The following TMEM132C variants were observed in gnomAD, a reference collection of about 807,000 sequenced individuals.
The protein encoded by TMEM132C is transmembrane protein 132C.
A neutral mutation model predicts 61.4 loss-of-function variants in TMEM132C; 29 were observed. That is an observed-to-expected ratio of 0.47 (90% CI 0.35 to 0.64). TMEM132C has a LOEUF of 0.64. Among genes scored for constraint, TMEM132C ranks in the 30% least tolerant of loss-of-function variants. TMEM132C has a pLI of 0.00. For missense variants in TMEM132C, 1,408 were observed against 1,476.9 expected (o/e 0.95, Z 0.76); for synonymous variants, 656 against 633.1 (o/e 1.04, Z -0.54).
intron 3 of TMEM132C, among the ~76,000 whole-genome samples, chr12:128,606,002 G>A (rs750291002): frequency 2.6e-4 from 40 of 152,186 alleles, no homozygotes; most frequent in African/African-American, 8.9e-4. Flanking sequence ...CTCAGTGCCC[G>A]CTTTGGGCTG....
intron 2 of TMEM132C, among the ~76,000 whole-genome samples, chr12:128,514,612 G>C (rs1436521867): frequency 1.3e-5 from 2 of 152,158 alleles, no homozygotes; most frequent in Non-Finnish European, 2.9e-5. Context: ...TCACCCTAAA[G>C]AAGAGTTGAT....
At chr12:128,373,991 T>G (rs1338753549) in intron 1 of TMEM132C, among the ~76,000 whole-genome samples, 2 of 152,194 alleles carry the variant, frequency 1.3e-5, no homozygotes, top group East Asian at 3.9e-4. Flanking sequence ...GGACCCTGGC[T>G]TAAGATCCTG....
intron 5 of TMEM132C, among the ~76,000 whole-genome samples, chr12:128,671,847 A>G (rs142809105): frequency 2.0e-5 from 3 of 152,238 alleles, no homozygotes; most frequent in Non-Finnish European, 4.4e-5. Context: ...CCCGGAAGTG[A>G]TATATGACCT....
intron 1 of TMEM132C, among the ~76,000 whole-genome samples, chr12:128,361,662 T>C (rs1463371097): frequency 1.8e-5 from 1 of 56,352 alleles, no homozygotes; most frequent in African/African-American, 6.0e-5. Context: ...CTCTTTCTTT[T>C]GATTTTTTTT....
chr12:128,681,728 G>A (rs1233775063), intron 5 of TMEM132C, among the ~76,000 whole-genome samples: 6 of 146,414 alleles, frequency 4.1e-5, no homozygotes, highest in South Asian at 2.2e-4. Context: ...ATCTTGGCTC[G>A]CTGCAACCTC....
chr12:128,618,822 G>C (rs1876896348), intron 4 of TMEM132C, among the ~76,000 whole-genome samples: 1 of 152,080 alleles, frequency 6.6e-6, no homozygotes, highest in Admixed American at 6.5e-5. Flanking sequence ...CCAGTCTCAG[G>C]TATGTCTTTA....
At chr12:128,501,787 G>T (rs548336146) in intron 2 of TMEM132C, among the ~76,000 whole-genome samples, 45 of 152,330 alleles carry the variant, frequency 3.0e-4, no homozygotes, top group African/African-American at 1.0e-3. Flanking sequence ...GTATCCAGAT[G>T]AACTTTTTGT....
At chr12:128,620,403 A>AT (rs1206317713) in intron 4 of TMEM132C, among the ~76,000 whole-genome samples, 1 of 152,166 alleles carries the variant, frequency 6.6e-6, no homozygotes, top group African/African-American at 2.4e-5. Flanking sequence ...AAACAGGTAG[A>AT]TACTTCCTAA....
intron 4 of TMEM132C, among the ~76,000 whole-genome samples, chr12:128,652,026 C>G (rs1288607367): frequency 6.6e-6 from 1 of 152,174 alleles, no homozygotes; most frequent in Non-Finnish European, 1.5e-5. Flanking sequence ...GCAGTTAGCA[C>G]CCTTCTCCAC....
chr12:128,553,491 C>T (rs997911815), intron 3 of TMEM132C, among the ~76,000 whole-genome samples: 1 of 152,142 alleles, frequency 6.6e-6, no homozygotes, highest in Admixed American at 6.5e-5. Flanking sequence ...TAATATGTTA[C>T]GTCTCTTTTG....
At chr12:128,405,731 T>C (rs977960731) in intron 1 of TMEM132C, among the ~76,000 whole-genome samples, 4 of 152,200 alleles carry the variant, frequency 2.6e-5, no homozygotes, top group Admixed American at 6.5e-5. Context: ...TATGAAGTTA[T>C]CAATTATTAG....
chr12:128,650,114 C>T (rs2135609114), intron 4 of TMEM132C, among the ~76,000 whole-genome samples: 1 of 152,282 alleles, frequency 6.6e-6, no homozygotes, highest in African/African-American at 2.4e-5. Flanking sequence ...AAGTGGTTTA[C>T]TATTGTGAGT....
At chr12:128,537,551 T>C (rs1010122079) in intron 2 of TMEM132C, among the ~76,000 whole-genome samples, 2 of 152,226 alleles carry the variant, frequency 1.3e-5, no homozygotes, top group African/African-American at 4.8e-5. Flanking sequence ...GTCAAATAGT[T>C]CTGCAGAGTT....
intron 3 of TMEM132C, among the ~76,000 whole-genome samples, chr12:128,572,786 T>A (rs1874939422): frequency 6.6e-6 from 1 of 152,244 alleles, no homozygotes; most frequent in South Asian, 2.1e-4. Context: ...GGCCTCCGAT[T>A]GGCCAGGCCT....
chr12:128,508,020 A>G (rs578089177), intron 2 of TMEM132C, among the ~76,000 whole-genome samples: 4 of 152,242 alleles, frequency 2.6e-5, no homozygotes, highest in Admixed American at 6.5e-5. Context: ...ACTAACTCTG[A>G]TAGTCTGGAG....
intron 3 of TMEM132C, among the ~76,000 whole-genome samples, chr12:128,590,897 C>T (rs1436672535): frequency 1.3e-5 from 2 of 152,170 alleles, no homozygotes; most frequent in Non-Finnish European, 1.5e-5. Flanking sequence ...CCATCTCAGC[C>T]TCCTGAGGAA....
At chr12:128,389,044 A>C (rs528419190) in intron 1 of TMEM132C, among the ~76,000 whole-genome samples, 279 of 146,318 alleles carry the variant, frequency 1.9e-3, no homozygotes, top group Non-Finnish European at 3.3e-3. Context: ...CCTGGGAGAG[A>C]CAAAGACCAG....
intron 2 of TMEM132C, among the ~76,000 whole-genome samples, chr12:128,449,051 G>A (rs377236388): frequency 5.3e-5 from 8 of 149,960 alleles, no homozygotes; most frequent in South Asian, 2.1e-4. Context: ...ACAGGAGAAC[G>A]GCGTGAACCC....
chr12:128,525,591 C>T (rs564892286), intron 2 of TMEM132C, among the ~76,000 whole-genome samples: 164 of 152,266 alleles, frequency 1.1e-3, no homozygotes, highest in Non-Finnish European at 2.0e-3. Context: ...CTGAGTTTTG[C>T]ACACGCCCTT....
Sources: gnomAD v4.1 joint callset for allele counts (sites outside exome capture counted in the v4.1 genomes callset) on GRCh38, gnomAD v4.1.1 for gene constraint, MANE v1.5 for transcripts, NCBI Gene and HGNC (gene_info 2026-07-23, HGNC 2026-07-21) for gene names.